SNTG2: variants seen among roughly 807,000 people sequenced by gnomAD.
SNTG2 encodes the protein gamma-2-syntrophin.
Under a neutral mutation model 70.9 loss-of-function variants are expected in SNTG2, and 74 were observed. The ratio of observed to expected loss-of-function variants is 1.04; its 90% confidence interval spans 0.86 to 1.27. The LOEUF is 1.27. Ranked by LOEUF, SNTG2 falls within the 50% of genes most tolerant of loss-of-function variation. SNTG2 has a pLI of 0.00. For synonymous variants in SNTG2, 278 were observed against 273.8 expected, an observed-to-expected ratio of 1.02 and a Z score of -0.15; for missense variants, 717 against 690.7, an observed-to-expected ratio of 1.04 and a Z score of -0.43.
chr2:1,197,509 A>G (rs879689407), intron 8 of SNTG2, among the ~76,000 whole-genome samples: 3 of 93,716 alleles, frequency 3.2e-5, no homozygotes, highest in Non-Finnish European at 6.9e-5. Flanking sequence ...ATGTGTATGT[A>G]TATATATGTG....
chr2:951,777 AAC>A lies in SNTG2; in HGVS notation c.72+711_72+712del, dbSNP rs1315886182. Among the ~76,000 whole-genome samples the A allele has an allele frequency of 4.6e-5, 7 of 152,338 alleles. No homozygotes were observed. The East Asian group carries it at 1.4e-3, about 29-fold the overall frequency. On this transcript the variant is annotated intron_variant, in intron 1 of 16. Transcript: ENST00000308624. ...CCACAGCACAGCCTCGAGTTGTGAA[AAC>A]AGTTTAAGGGAGCACGTGGCCACCC...
chr2:1,261,710 A>G (rs746626941), intron 13 of SNTG2, among the ~76,000 whole-genome samples: 3 of 152,198 alleles, frequency 2.0e-5, no homozygotes, highest in Non-Finnish European at 4.4e-5. Flanking sequence ...AGAAGATCTT[A>G]GTAATGATAG....
intron 6 of SNTG2, among the ~76,000 whole-genome samples, chr2:1,138,833 G>A (rs1386886185): frequency 6.6e-6 from 1 of 152,176 alleles, no homozygotes; most frequent in Non-Finnish European, 1.5e-5. Flanking sequence ...TAGTTCCAAG[G>A]AAGGGCAAAC....
chr2:1,173,941 A>T (rs577770901), intron 8 of SNTG2, among the ~76,000 whole-genome samples: 1 of 152,374 alleles, frequency 6.6e-6, no homozygotes, highest in Non-Finnish European at 1.5e-5. Context: ...TTTTATTATA[A>T]ATCATTCCAG....
intron 1 of SNTG2, among the ~76,000 whole-genome samples, chr2:998,599 C>A (rs993537744): frequency 4.6e-5 from 7 of 150,616 alleles, no homozygotes; most frequent in Non-Finnish European, 1.0e-4. Flanking sequence ...TTAACTCAAG[C>A]ATAAAAAAAA....
rs1660039158 is a variant in SNTG2 at position 1,019,545 on chromosome 2, A to G, written c.73-63973A>G. Among the ~76,000 whole-genome samples the G allele has an allele frequency of 2.0e-5, 3 of 152,308 alleles. No individual in the cohort carries two copies. The South Asian group carries it at 6.2e-4, about 32-fold the overall frequency. ...GGAGGGCAGGGTCAAAGTGGCTCCAAGCTTTGGAGATTGCACACTCTTCTG... is the reference window on the plus strand; with the variant it reads ...GGAGGGCAGGGTCAAAGTGGCTCCAGGCTTTGGAGATTGCACACTCTTCTG... On this transcript the variant is annotated intron_variant, in intron 1 of 16. Coordinates refer to ENST00000308624, the MANE Select transcript of SNTG2 (RefSeq NM_018968.4).
At chr2:1,271,607 C>T (rs896111915) in intron 14 of SNTG2, among the ~76,000 whole-genome samples, 2 of 152,194 alleles carry the variant, frequency 1.3e-5, no homozygotes, top group African/African-American at 2.4e-5. Flanking sequence ...ACAAGGTTTC[C>T]ATACTCCACC....
chr2:1,167,442 T>TGAAGCCTACAAGCCGCCCACAGACGG (rs1670800674), intron 7 of SNTG2, among the ~76,000 whole-genome samples: 2 of 38,700 alleles, frequency 5.2e-5, no homozygotes, highest in Admixed American at 2.8e-4. Flanking sequence ...CCCACAGACG[T>TGAAGCCTACAAGCCGCCCACAGACGG]CAGAACTGAA....
At chr2:1,087,434 G>C (rs1453168631) in intron 2 of SNTG2, among the ~76,000 whole-genome samples, 4 of 152,116 alleles carry the variant, frequency 2.6e-5, no homozygotes, top group African/African-American at 9.7e-5. Context: ...ACCTCTTACT[G>C]TTCCCGGGTA....
chr2:1,051,881 C>T (rs1662095424), intron 1 of SNTG2, among the ~76,000 whole-genome samples: 1 of 152,188 alleles, frequency 6.6e-6, no homozygotes, highest in South Asian at 2.1e-4. Context: ...CATTCAGAGG[C>T]TGTTGGTTGT....
chr2:1,192,102 TAAG>T (rs1672631217), intron 8 of SNTG2, among the ~76,000 whole-genome samples: 1 of 152,156 alleles, frequency 6.6e-6, no homozygotes. Context: ...GCAGCTCTGT[TAAG>T]AACCACGCAT....
rs796581175 is a variant in SNTG2 at position 1,235,582 on chromosome 2, G to C, written c.720-2306G>C. ...GGCACCCCCGATTCATGAGAGGGGG[G>C]ACCCCTGCCCCACGCTGCCCTGAGG... On this transcript the variant is annotated intron_variant, in intron 9 of 16. Transcript: ENST00000308624. Among the ~76,000 whole-genome samples the C allele has an allele frequency of 4.8e-4, 32 of 66,312 alleles. 1 individual carries two copies. In the South Asian group the frequency reaches 5.5e-3, roughly 11 times the overall value. 43.5% of individuals were successfully genotyped at this position (66,312 alleles called of 152,430 possible). A position where few individuals can be genotyped will look rare whatever the true frequency, so the allele number is the denominator to read the frequency against.
intron 8 of SNTG2, among the ~76,000 whole-genome samples, chr2:1,189,697 C>A (rs1215024894): frequency 6.6e-6 from 1 of 151,942 alleles, no homozygotes; most frequent in East Asian, 1.9e-4. Flanking sequence ...TAGGTGCACG[C>A]CAGCACGCCC....
At position 1,262,736 on chromosome 2, in the gene SNTG2, A is replaced by AC. The variant is rs1489293749; in HGVS notation, c.1077+3297dup. On this transcript the variant is annotated intron_variant, in intron 13 of 16. Coordinates refer to ENST00000308624, the MANE Select transcript of SNTG2 (RefSeq NM_018968.4). ...CGGAAGGCTCCGTCCAGACGAGGCAACCGGAAGGCTCCGTGCAGACGAGGC... is the reference window on the plus strand; with the variant it reads ...CGGAAGGCTCCGTCCAGACGAGGCAACCCGGAAGGCTCCGTGCAGACGAGGC... The AC allele has an allele frequency of 1.6e-4, 24 of 150,460 alleles. 1 individual carries two copies. Among genetic ancestry groups the AC allele is most frequent in the Middle Eastern group, 3.4e-3 (1 of 292 alleles). 9.3% of individuals were successfully genotyped at this position (150,460 alleles called of 1,614,324 possible).
At chr2:1,090,301 A>G (rs1664939412) in intron 2 of SNTG2, among the ~76,000 whole-genome samples, 1 of 152,172 alleles carries the variant, frequency 6.6e-6, no homozygotes, top group Non-Finnish European at 1.5e-5. Flanking sequence ...CAATATTACC[A>G]ACATATTTAT....
chr2:1,173,200 T>C lies in SNTG2; in HGVS notation c.591+17T>C, dbSNP rs146447548. ...AGTACCACAGTAAGCATATAGATTT[T>C]TGTTAAATTTTATTTTAACAGAAAT... is the stretch of plus-strand genomic sequence containing the variant. On this transcript the variant is annotated intron_variant, in intron 8 of 16. Transcript: ENST00000308624. The C allele has an allele frequency of 1.2e-6, 2 of 1,607,222 alleles. No homozygotes were observed. The highest frequency in any genetic ancestry group is 1.7e-6 in the Non-Finnish European group (2 of 1,174,562).
At chr2:996,239 T>C (rs1450095626) in intron 1 of SNTG2, among the ~76,000 whole-genome samples, 1 of 152,146 alleles carries the variant, frequency 6.6e-6, no homozygotes. Flanking sequence ...AATTAGGTAG[T>C]TTTCACTTAA....
At chr2:1,099,104 A>G (rs764800056) in intron 4 of SNTG2, among the ~76,000 whole-genome samples, 17 of 152,176 alleles carry the variant, frequency 1.1e-4, no homozygotes, top group Admixed American at 2.6e-4. Context: ...CTGTCTCCCT[A>G]TCGGGAGGAT....
intron 7 of SNTG2, among the ~76,000 whole-genome samples, chr2:1,171,822 G>GAGCCATGGTAACAGCC (rs1391066125): frequency 6.6e-6 from 1 of 152,138 alleles, no homozygotes; most frequent in Non-Finnish European, 1.5e-5. Flanking sequence ...GGGTAACAGC[G>GAGCCATGGTAACAGCC]AGCCATGGTA....
Sources: gnomAD v4.1 joint callset for allele counts (sites outside exome capture counted in the v4.1 genomes callset) on GRCh38, gnomAD v4.1.1 for gene constraint, MANE v1.5 for transcripts, NCBI Gene and HGNC (gene_info 2026-07-23, HGNC 2026-07-21) for gene names.